Variants in CASK observed in about 807,000 individuals in gnomAD.
The protein encoded by CASK is calcium/calmodulin dependent serine protein kinase.
CASK carries 4 observed loss-of-function variants against 82.9 expected under a neutral mutation model. The observed-to-expected ratio is 0.05, with a 90% CI of 0.02 to 0.11. The LOEUF (loss-of-function observed/expected upper bound fraction) is 0.11. CASK is among the 10% of genes least tolerant of loss of function. CASK has a pLI of 1.00. For synonymous variants in CASK, 259 were observed against 253.5 expected (o/e 1.02, Z -0.20); for missense variants, 358 against 720.9 (o/e 0.50, Z 5.76).
intron 3 of CASK, among the ~76,000 whole-genome samples, chrX:41,785,630 A>G (rs1020761221): frequency 1.8e-5 from 2 of 112,530 alleles, no homozygotes; most frequent in Non-Finnish European, 3.7e-5. Context: ...AGGAGTTAAC[A>G]TTAACTGGTC....
chrX:41,635,988 C>T (rs2066547013), intron 9 of CASK, among the ~76,000 whole-genome samples: 2 of 104,222 alleles, frequency 1.9e-5, no homozygotes, highest in South Asian at 8.9e-4. Context: ...CCTCCACCTC[C>T]CAAGTTCAAG....
chrX:41,894,696 T>C (rs1453466387), intron 1 of CASK, among the ~76,000 whole-genome samples: 1 of 106,942 alleles, frequency 9.4e-6, no homozygotes, highest in East Asian at 2.9e-4. Context: ...AAGTTCAAAG[T>C]CATTCAGAAT....
intron 16 of CASK, among the ~76,000 whole-genome samples, chrX:41,568,813 C>A (rs758456700): frequency 5.0e-4 from 56 of 111,527 alleles, no homozygotes; most frequent in African/African-American, 1.7e-3. Context: ...GCCTGGGCAA[C>A]ATGGTAAAAG....
chrX:41,797,733 T>C (rs1039016762), intron 2 of CASK, among the ~76,000 whole-genome samples: 3 of 111,901 alleles, frequency 2.7e-5, no homozygotes, highest in Middle Eastern at 4.2e-3. Flanking sequence ...AGATATTTCA[T>C]AGCAGAACTG....
intron 11 of CASK, among the ~76,000 whole-genome samples, chrX:41,613,621 T>A (rs978728742): frequency 6.2e-5 from 4 of 64,040 alleles, no homozygotes; most frequent in Non-Finnish European, 8.6e-5. Context: ...CACCCAAGAA[T>A]GATCAATTAA....
At chrX:41,836,662 T>C (rs993874747) in intron 2 of CASK, among the ~76,000 whole-genome samples, 1 of 111,614 alleles carries the variant, frequency 9.0e-6, no homozygotes, top group Admixed American at 9.5e-5. Context: ...AATTTAAAAA[T>C]ACATGATCAA....
At chrX:41,721,173 T>A (rs1253163001) in intron 5 of CASK, among the ~76,000 whole-genome samples, 1 of 110,399 alleles carries the variant, frequency 9.1e-6, no homozygotes, top group African/African-American at 3.3e-5. Flanking sequence ...GCAAGATGAA[T>A]GAGAACCAAA....
chrX:41,527,126 T>A (rs2064724163), intron 25 of CASK, among the ~76,000 whole-genome samples: 1 of 111,177 alleles, frequency 9.0e-6, no homozygotes, highest in East Asian at 2.8e-4. Context: ...GAGGCACACA[T>A]TTTTTAATGT....
In CASK at chrX:41,692,664, T is replaced by G. The variant is rs780195327; in HGVS notation, c.430-21134A>C. Among the ~76,000 whole-genome samples, 12 of 112,375 alleles carry G rather than the reference T, an allele frequency of 1.1e-4. No individual in the cohort carries two copies. In the Admixed American group the frequency reaches 1.1e-3, roughly 11 times the overall value. On this transcript the variant is annotated intron_variant, in intron 5 of 26. Transcript: ENST00000378163. Reference sequence around the variant, plus strand: ...CCTTCAACTTGCTTCTTTGACATGATTTGAGTTCTTCTCTCCATTTGGTCC... The same window carrying G: ...CCTTCAACTTGCTTCTTTGACATGAGTTGAGTTCTTCTCTCCATTTGGTCC...
intron 2 of CASK, among the ~76,000 whole-genome samples, chrX:41,851,716 AT>A (rs2147968670): frequency 8.9e-6 from 1 of 112,141 alleles, no homozygotes; most frequent in South Asian, 3.7e-4. Context: ...GCTTAAGAGA[AT>A]TTGGCTTATA....
intron 5 of CASK, chrX:41,729,589 G>A (rs1208608438): frequency 1.8e-5 from 2 of 109,811 alleles, no homozygotes; most frequent in Non-Finnish European, 3.9e-5. Flanking sequence ...GTGGTGGTGT[G>A]TGCCTGTAGT....
At chrX:41,605,730 G>A (rs191403424) in intron 12 of CASK, among the ~76,000 whole-genome samples, 8 of 111,838 alleles carry the variant, frequency 7.2e-5, no homozygotes, top group Middle Eastern at 4.6e-3. Context: ...CCAGGCTACC[G>A]TGCAGTGGTG....
intron 2 of CASK, among the ~76,000 whole-genome samples, chrX:41,801,628 C>T (rs2069999280): frequency 9.0e-6 from 1 of 111,666 alleles, no homozygotes; most frequent in African/African-American, 3.3e-5. Flanking sequence ...CAATAGGAAG[C>T]ACCAGGTATC....
chrX:41,908,763 T>G (rs2148079366), intron 1 of CASK, among the ~76,000 whole-genome samples: 1 of 112,185 alleles, frequency 8.9e-6, no homozygotes, highest in South Asian at 3.7e-4. Context: ...ATTTTAGCTG[T>G]TCACAGTTCA....
In CASK at chrX:41,524,013, C is replaced by T; in HGVS notation, c.2542G>A (p.Ala848Thr). 8.4e-7 allele frequency: 1 copy of T among 1,187,993 alleles called. No homozygotes were observed. The highest frequency in any genetic ancestry group is 1.1e-6 in the Non-Finnish European group (1 of 878,070). The change falls in exon 26 of 27, where the codon GCA (alanine) becomes ACA (threonine). Residue 848 changes from alanine to threonine, a missense_variant. By Grantham distance (58) the Ala-to-Thr change is moderately conservative. Coordinates refer to ENST00000378163, the MANE Select transcript of CASK (RefSeq NM_001367721.1). ...AAAACAACAAAAGGAGCAAACTCTGCAGTTCTCAGGACCTTCAGTGCCTGT... is the reference window on the plus strand; with the variant it reads ...AAAACAACAAAAGGAGCAAACTCTGTAGTTCTCAGGACCTTCAGTGCCTGT... ...EPQALKVLRT[A>T]EFAPFVVFIA...
At chrX:41,629,309 T>C (rs970564035) in intron 9 of CASK, among the ~76,000 whole-genome samples, 6 of 111,908 alleles carry the variant, frequency 5.4e-5, no homozygotes, top group African/African-American at 1.9e-4. Flanking sequence ...CCAGTGACTA[T>C]AGATGGTTTA....
At chrX:41,660,879 T>C (rs2067020601) in intron 7 of CASK, among the ~76,000 whole-genome samples, 1 of 112,250 alleles carries the variant, frequency 8.9e-6, no homozygotes, top group Admixed American at 9.5e-5. Context: ...GAGACTAGAA[T>C]ACATCGATCC....
At chrX:41,744,126 C>T (rs778359297) in intron 4 of CASK, among the ~76,000 whole-genome samples, 1 of 106,949 alleles carries the variant, frequency 9.4e-6, no homozygotes, top group Admixed American at 1.0e-4. Context: ...CCCGCACCCC[C>T]CGCAAAAAAA....
rs761211547 is a variant in CASK at position 41,732,444 on chromosome X, T to TA, written c.429+6939dup. On this transcript the variant is annotated intron_variant, in intron 5 of 26. Transcript: ENST00000378163. ...CCTTGTGCTCTGTCAGGGTGGGAGTTACGGGCAAATCTGGGAAGACAAGGT... is the reference window on the plus strand; with the variant it reads ...CCTTGTGCTCTGTCAGGGTGGGAGTTAACGGGCAAATCTGGGAAGACAAGGT... 4.5e-5 allele frequency among the ~76,000 whole-genome samples: 5 copies of TA among 111,324 alleles called. No individual in the cohort carries two copies. The East Asian group carries it at 1.4e-3, about 32-fold the overall frequency.
Sources: allele counts gnomAD v4.1 joint callset (sites outside exome capture counted in the v4.1 genomes callset), GRCh38; gene constraint gnomAD v4.1.1; transcripts MANE v1.5; gene names NCBI Gene and HGNC (gene_info 2026-07-23, HGNC 2026-07-21).